MYO18B: variants seen among roughly 807,000 people sequenced by gnomAD.
MYO18B encodes myosin XVIIIB.
MYO18B carries 204 observed loss-of-function variants against 273.0 expected under a neutral mutation model. That is an observed-to-expected ratio of 0.75 (90% confidence interval 0.67 to 0.84). The LOEUF is 0.84. Among genes scored for constraint, MYO18B ranks in the 40% least tolerant of loss-of-function variants. MYO18B has a pLI of 0.00. For missense variants in MYO18B, 3,212 were observed against 3,287.6 expected, an observed-to-expected ratio of 0.98 and a Z score of 0.56; for synonymous variants, 1,330 against 1,305.7, an observed-to-expected ratio of 1.02 and a Z score of -0.40.
chr22:26,017,022 T>C (rs570941573), intron 42 of MYO18B, among the ~76,000 whole-genome samples: 3 of 150,194 alleles, frequency 2.0e-5, no homozygotes, highest in Admixed American at 6.7e-5. Flanking sequence ...TTTATTAGGC[T>C]AATTTCCTTC....
chr22:25,844,698 A>G (rs987761862), intron 18 of MYO18B, among the ~76,000 whole-genome samples: 1 of 152,224 alleles, frequency 6.6e-6, no homozygotes. Flanking sequence ...AGTCTAAGAG[A>G]TGCTTGGAGA....
At position 25,810,944 on chromosome 22, in the gene MYO18B, A is replaced by G. The variant is rs539921246; in HGVS notation, c.2522-12561A>G. Among the ~76,000 whole-genome samples the G allele has an allele frequency of 6.6e-5, 10 of 152,244 alleles. No homozygotes were observed. In the East Asian group the frequency reaches 1.9e-3, roughly 29 times the overall value. On this transcript the variant is annotated intron_variant, in intron 12 of 43. Coordinates refer to ENST00000335473, the MANE Select transcript of MYO18B (RefSeq NM_032608.7). Reference sequence around the variant, plus strand: ...GGTTTTGACAATTATATAATGTCATATATCCGTTGTTAGTATCATACAGGA... The same window carrying G: ...GGTTTTGACAATTATATAATGTCATGTATCCGTTGTTAGTATCATACAGGA...
At chr22:26,041,186 G>A in the MYO18B span, among the ~76,000 whole-genome samples, 1 of 151,440 alleles carries the variant, frequency 6.6e-6, no homozygotes, top group East Asian at 1.9e-4. Context: ...ATTAGTGTTA[G>A]GGTATTTTAT....
At chr22:25,918,865 C>T (rs2092300082) in intron 33 of MYO18B, among the ~76,000 whole-genome samples, 10 of 152,234 alleles carry the variant, frequency 6.6e-5, no homozygotes, top group Admixed American at 6.5e-4. Flanking sequence ...TATGAAGCAG[C>T]TCCACTAGGC....
chr22:25,914,244 G>A (rs1033156774), intron 33 of MYO18B, among the ~76,000 whole-genome samples: 2 of 151,578 alleles, frequency 1.3e-5, no homozygotes, highest in African/African-American at 4.9e-5. Context: ...CTGTTTTATT[G>A]ACCCTTTAAT....
intron 34 of MYO18B, among the ~76,000 whole-genome samples, chr22:25,936,845 C>G (rs1488854866): frequency 6.6e-6 from 1 of 151,956 alleles, no homozygotes; most frequent in Admixed American, 6.6e-5. Flanking sequence ...TCTAAGGGCA[C>G]GAATCTCATC....
chr22:26,010,763 C>T (rs1934844985), intron 42 of MYO18B, among the ~76,000 whole-genome samples: 2 of 152,188 alleles, frequency 1.3e-5, no homozygotes, highest in South Asian at 4.2e-4. Flanking sequence ...ACTGGGTGCT[C>T]CACATACCAG....
At chr22:25,963,178 T>TCTCACACACACACA (rs774304270) in intron 39 of MYO18B, among the ~76,000 whole-genome samples, 6 of 144,074 alleles carry the variant, frequency 4.2e-5, no homozygotes, top group African/African-American at 1.3e-4. Flanking sequence ...TCTCTCTCTC[T>TCTCACACACACACA]CACACACACA....
At position 25,889,590 on chromosome 22, in the gene MYO18B, A is replaced by G. The variant is rs147033981; in HGVS notation, c.4315-1166A>G. On this transcript the variant is annotated intron_variant, in intron 25 of 43. Coordinates refer to ENST00000335473, the MANE Select transcript of MYO18B (RefSeq NM_032608.7). Reference sequence around the variant, plus strand: ...TTTTACAATTCTGCTGCCTTCCATAAGAGGTAGCCTCAGTTTTATGAGCTG... The same window carrying G: ...TTTTACAATTCTGCTGCCTTCCATAGGAGGTAGCCTCAGTTTTATGAGCTG... Among the ~76,000 whole-genome samples, 39 of 151,506 alleles carry G rather than the reference A, an allele frequency of 2.6e-4. No individual in the cohort carries two copies. In the East Asian group the frequency reaches 7.3e-3, roughly 29 times the overall value.
At chr22:25,910,062 C>G (rs1327672247) in intron 32 of MYO18B, among the ~76,000 whole-genome samples, 3 of 152,074 alleles carry the variant, frequency 2.0e-5, no homozygotes, top group Non-Finnish European at 2.9e-5. Context: ...GGTGTTTGCT[C>G]TAGTGGGGAA....
At chr22:25,979,868 C>A (rs998385342) in intron 39 of MYO18B, among the ~76,000 whole-genome samples, 1 of 152,008 alleles carries the variant, frequency 6.6e-6, no homozygotes, top group Non-Finnish European at 1.5e-5. Flanking sequence ...GTGATAAGGT[C>A]TTGAGGAGTC....
chr22:25,920,554 G>T (rs1209837949), intron 33 of MYO18B, among the ~76,000 whole-genome samples: 2 of 152,174 alleles, frequency 1.3e-5, no homozygotes, highest in Admixed American at 1.3e-4. Context: ...GATTCTGGGG[G>T]AAGGAATGTA....
rs200755805 is a variant in MYO18B at position 25,796,590 on chromosome 22, TG to T, written c.2377-1362del. 5.0e-3 allele frequency among the ~76,000 whole-genome samples: 370 copies of T among 74,368 alleles called. 3 individuals carry two copies. In the East Asian group the frequency reaches 0.098, roughly 20 times the overall value. 48.8% of individuals were successfully genotyped at this position (74,368 alleles called of 152,430 possible). A position where few individuals can be genotyped will look rare whatever the true frequency, so the allele number is the denominator to read the frequency against. ...CAGTCTGGGCCGTAGAGTGAGACCC[TG>T]TCTAAAAAAAAAAAAAAAAAAAAAT... On this transcript the variant is annotated intron_variant, in intron 11 of 43. Coordinates refer to ENST00000335473, the MANE Select transcript of MYO18B (RefSeq NM_032608.7).
chr22:25,942,482 G>A (rs142087075), intron 34 of MYO18B, among the ~76,000 whole-genome samples: 6 of 152,236 alleles, frequency 3.9e-5, no homozygotes, highest in South Asian at 2.1e-4. Context: ...GATCCATTCC[G>A]TCTGTGTGGT....
At position 26,026,503 on chromosome 22, in the gene MYO18B, G is replaced by T; in HGVS notation, c.6529G>T (p.Ala2177Ser). The T allele has an allele frequency of 1.9e-6, 3 of 1,613,904 alleles. No homozygotes were observed. The highest frequency in any genetic ancestry group is 2.2e-5 in the South Asian group (2 of 91,076). Residue 2177 changes from alanine to serine, a missense_variant, in exon 43 of 44, where the codon GCC (alanine) becomes TCC (serine). Coordinates refer to ENST00000335473, the MANE Select transcript of MYO18B (RefSeq NM_032608.7). ...RTQSALALSRARSTNVHSKTS... is the reference protein window; with the variant it reads ...RTQSALALSRSRSTNVHSKTS... ...CCAGTCGGCATTGGCACTGAGCAGA[G>T]CCCGGTCCACCAATGTCCACAGCAA...
At chr22:25,899,968 T>TGG (rs2091898662) in intron 29 of MYO18B, 1 of 152,248 alleles carries the variant, frequency 6.6e-6, no homozygotes, top group African/African-American at 2.4e-5. Context: ...TGGGTTCTAC[T>TGG]CCTGTTCTGA....
intron 10 of MYO18B, among the ~76,000 whole-genome samples, chr22:25,783,920 C>A (rs947618258): frequency 6.6e-6 from 1 of 152,242 alleles, no homozygotes; most frequent in Admixed American, 6.5e-5. Flanking sequence ...CCTTTCTCTA[C>A]CTCTGCTGCT....
intron 7 of MYO18B, 150 bp downstream of exon 7, chr22:25,772,660 T>C: frequency 1.3e-6 from 1 of 769,420 alleles, no homozygotes; most frequent in Non-Finnish European, 2.0e-6. Flanking sequence ...TGTGGCATCC[T>C]GTGGCATGGA....
chr22:26,014,882 C>T (rs747887246), intron 42 of MYO18B, among the ~76,000 whole-genome samples: 2 of 150,242 alleles, frequency 1.3e-5, no homozygotes, highest in Non-Finnish European at 3.0e-5. Context: ...CTGTGCATGT[C>T]CTTTGCTCAC....
Sources: gnomAD v4.1 joint callset for allele counts (sites outside exome capture counted in the v4.1 genomes callset) on GRCh38, gnomAD v4.1.1 for gene constraint, MANE v1.5 for transcripts, NCBI Gene and HGNC (gene_info 2026-07-23, HGNC 2026-07-21) for gene names.